Variants in SLC40A1 observed in about 807,000 individuals in gnomAD.
SLC40A1 encodes the protein ferroportin.
In SLC40A1, 16 loss-of-function variants were observed where a neutral mutation model predicts 53.5. That is an observed-to-expected ratio of 0.30 (90% CI 0.20 to 0.45). The LOEUF (loss-of-function observed/expected upper bound fraction) is 0.45, where lower values mean the gene tolerates loss of function less well. Ranked by LOEUF, SLC40A1 falls within the 20% of genes least tolerant of loss-of-function variation. The probability of loss-of-function intolerance (pLI) is 1.00; values close to 1 mark genes in which losing one functional copy is unlikely to be tolerated. For synonymous variants in SLC40A1, 247 were observed against 253.2 expected, an observed-to-expected ratio of 0.98 and a Z score of 0.23; for missense variants, 545 against 695.4, an observed-to-expected ratio of 0.78 and a Z score of 2.43.
rs2031251997 is a variant in SLC40A1 at position 189,575,197 on chromosome 2, T to C, written c.235A>G (p.Ile79Val). Reference protein sequence around the residue: ...AGSVLVLGAIIGDWVDKNARL... With the variant: ...AGSVLVLGAIVGDWVDKNARL... Reference sequence around the variant, plus strand: ...GCATTCTTGTCCACCCAGTCACCGATGATGGCTCCCAGGACCAGAACAGAC... The same window carrying C: ...GCATTCTTGTCCACCCAGTCACCGACGATGGCTCCCAGGACCAGAACAGAC... The change falls in exon 3 of 8, where the codon ATC (isoleucine) becomes GTC (valine). Residue 79 changes from isoleucine to valine, a missense_variant. Around this residue, in one of 4 missense-constraint regions of SLC40A1, gnomAD observed 197 missense variants for 278.8 expected, o/e 0.71. Coordinates refer to ENST00000261024, the MANE Select transcript of SLC40A1 (RefSeq NM_014585.6). 6.2e-7 allele frequency: 1 copy of C among 1,614,166 alleles called. No individual in the cohort carries two copies. The highest frequency in any genetic ancestry group is 8.5e-7 in the Non-Finnish European group (1 of 1,179,988).
chr2:189,580,541 C>G lies in SLC40A1; in HGVS notation c.-81G>C, dbSNP rs1463550926. ...GCTGAGGTGCTTGTTAACAGGAGTG[C>G]AAGGAACTGGAGATAGCACCTCTAA... is the stretch of plus-strand genomic sequence containing the variant. On this transcript the variant is annotated 5_prime_UTR_variant, in exon 1 of 8. Coordinates refer to ENST00000261024, the MANE Select transcript of SLC40A1 (RefSeq NM_014585.6). The G allele has an allele frequency of 6.2e-7, 1 of 1,607,572 alleles. No individual in the cohort carries two copies. Among genetic ancestry groups the G allele is most frequent in the Non-Finnish European group, 8.5e-7 (1 of 1,179,656 alleles).
chr2:189,564,607 G>A (rs111803199), intron 6 of SLC40A1, among the ~76,000 whole-genome samples: 5,522 of 152,150 alleles, frequency 0.036, 305 homozygotes, highest in African/African-American at 0.12. Flanking sequence ...TTGGGAGGCC[G>A]AGGCGGGCAG....
chr2:189,577,466 A>G (rs1161364470), intron 2 of SLC40A1, among the ~76,000 whole-genome samples: 1 of 152,214 alleles, frequency 6.6e-6, no homozygotes, highest in Non-Finnish European at 1.5e-5. Flanking sequence ...ATTGGGGTTT[A>G]AATGGAGAGA....
At chr2:189,575,446 T>C in intron 2 of SLC40A1, 126 bp from the exon 3 acceptor site, 2 of 848,938 alleles carry the variant, frequency 2.4e-6, no homozygotes, top group Non-Finnish European at 3.9e-6. Context: ...AAGTCAGTAA[T>C]TACTCTTAGA....
At chr2:189,567,450 A>G (rs539996455) in intron 5 of SLC40A1, among the ~76,000 whole-genome samples, 1 of 152,314 alleles carries the variant, frequency 6.6e-6, no homozygotes, top group African/African-American at 2.4e-5. Context: ...CAACATGACT[A>G]TGTACTCCAT....
At position 189,561,965 on chromosome 2, in the gene SLC40A1, T is replaced by C. The variant is rs200789812; in HGVS notation, c.1629A>G (p.Gln543=). 7.4e-6 allele frequency: 12 copies of C among 1,614,176 alleles called. No individual in the cohort carries two copies. In the African/African-American group the frequency reaches 8.0e-5, roughly 11 times the overall value. ...MGHIMYFRFA[Q]NTLGNKLFAC... The stretch of plus-strand genomic sequence containing the variant: ...CAAAGAGCTTGTTTCCCAGAGTATT[T>C]TGGGCAAATCGGAAATACATAATGT... Residue 543 remains glutamine, a synonymous_variant, in exon 8 of 8, where the codon CAA becomes CAG. Coordinates refer to ENST00000261024, the MANE Select transcript of SLC40A1 (RefSeq NM_014585.6).
chr2:189,571,769 T>C lies in SLC40A1; in HGVS notation c.460A>G (p.Ile154Val). The change falls in exon 5 of 8, where the codon ATC becomes GTC. Residue 154 changes from isoleucine to valine, a missense_variant. Ile to Val is a conservative substitution (Grantham distance 29). Transcript: ENST00000261024. The part of the protein sequence containing the change: ...NLASTATAIT[I>V]QRDWIVVVAG... ...ACAACAACAATCCAATCCCTTTGGA[T>C]TGTGATTGCAGTAGCAGTACTGGCC... is the stretch of plus-strand genomic sequence containing the variant. 1 of 1,613,246 alleles carries C rather than the reference T, an allele frequency of 6.2e-7. No individual in the cohort carries two copies. The highest frequency in any genetic ancestry group is 8.5e-7 in the Non-Finnish European group (1 of 1,179,310).
At chr2:189,565,740 T>A (rs1209938404) in intron 5 of SLC40A1, 141 bp from the exon 6 acceptor site, 10 of 1,254,502 alleles carry the variant, frequency 8.0e-6, no homozygotes, top group Non-Finnish European at 1.1e-5. Context: ...AAGAAAGACA[T>A]TTTGTTGGAA....
In SLC40A1 at chr2:189,566,041, CGTGTGT is replaced by C. The variant is rs371020904; in HGVS notation, c.515-448_515-443del. Among the ~76,000 whole-genome samples the C allele has an allele frequency of 5.3e-5, 8 of 150,104 alleles. No homozygotes were observed. In the East Asian group the frequency reaches 7.8e-4, roughly 15 times the overall value. The stretch of plus-strand genomic sequence containing the variant: ...ACAAGCATATGTGTGTGTGTGTGTG[CGTGTGT>C]GTGTGTGTGTATACACACACAAACA... On this transcript the variant is annotated intron_variant, in intron 5 of 7. Coordinates refer to ENST00000261024, the MANE Select transcript of SLC40A1 (RefSeq NM_014585.6).
intron 7 of SLC40A1, among the ~76,000 whole-genome samples, chr2:189,563,032 T>G (rs2030805196): frequency 6.6e-6 from 1 of 152,030 alleles, no homozygotes; most frequent in African/African-American, 2.4e-5. Context: ...TTTTATAAAT[T>G]AAATTACATT....
Position 189,579,860 on chromosome 2 carries a change from T to A in SLC40A1, c.64A>T (p.Thr22Ser). 1 of 1,614,106 alleles carries A rather than the reference T, an allele frequency of 6.2e-7. No homozygotes were observed. Among genetic ancestry groups the A allele is most frequent in the South Asian group, 1.1e-5 (1 of 91,072 alleles). ...AGGTAGAGAAGGAATTTTGCAGAGG[T>A]CAGGTAGTCGGCCAAGGATCCTGCA... is the stretch of plus-strand genomic sequence containing the variant. Reference protein sequence around the residue: ...GCCGSLADYLTSAKFLLYLGH... With the variant: ...GCCGSLADYLSSAKFLLYLGH... The change falls in exon 2 of 8, where the codon ACC becomes TCC. Residue 22 changes from threonine to serine, a missense_variant. Around this residue, in one of 4 missense-constraint regions of SLC40A1, gnomAD observed 197 missense variants for 278.8 expected, o/e 0.71. Transcript: ENST00000261024.
intron 5 of SLC40A1, among the ~76,000 whole-genome samples, chr2:189,568,900 G>A (rs527246757): frequency 6.6e-6 from 1 of 152,218 alleles, no homozygotes; most frequent in Admixed American, 6.5e-5. Context: ...CAAAAGAAAT[G>A]GAGGAGGAAA....
chr2:189,577,473 G>T (rs2031323129), intron 2 of SLC40A1, among the ~76,000 whole-genome samples: 1 of 152,162 alleles, frequency 6.6e-6, no homozygotes. Flanking sequence ...TTTAAATGGA[G>T]AGAGTTTGTA....
intron 4 of SLC40A1, chr2:189,572,482 C>A: frequency 3.3e-6 from 1 of 299,146 alleles, no homozygotes; most frequent in Non-Finnish European, 6.4e-6. Context: ...ACAGAAGTAA[C>A]AATTATTATT....
At chr2:189,580,786 C>CGCG, upstream of SLC40A1, 1 of 1,273,254 alleles carries the variant, frequency 7.9e-7, no homozygotes, top group East Asian at 4.2e-5. Context: ...CCGCCGCCGC[C>CGCG]GCCGTGGGCC....
At chr2:189,572,350 T>C (rs1474480021) in intron 4 of SLC40A1, among the ~76,000 whole-genome samples, 2 of 152,142 alleles carry the variant, frequency 1.3e-5, no homozygotes, top group African/African-American at 2.4e-5. Context: ...AATCCACATA[T>C]ACACAAGAAG....
At chr2:189,574,625 G>C (rs116738285) in intron 3 of SLC40A1, among the ~76,000 whole-genome samples, 2,229 of 152,246 alleles carry the variant, frequency 0.015, 51 homozygotes, top group African/African-American at 0.051. Context: ...CTAATGCTTA[G>C]AATAAATATC....
Position 189,563,587 on chromosome 2 carries a change from T to C in SLC40A1, c.1399A>G (p.Ile467Val), listed in dbSNP as rs1238991095. The change falls in exon 7 of 8, where the codon ATC becomes GTC. Residue 467 changes from isoleucine to valine, a missense_variant. By Grantham distance (29) the Ile-to-Val change is conservative. Transcript: ENST00000261024. The stretch of plus-strand genomic sequence containing the variant: ...TATATAAAAAGAGATTTCTTACCGA[T>C]TCTAGCAGCAATGACGCCTGCAAAC... ...LLFAGVIAAR[I>V]GLWSFDLTVT... is the part of the protein sequence containing the mutation. 1.2e-6 allele frequency: 2 copies of C among 1,613,496 alleles called. No individual in the cohort carries two copies. Among genetic ancestry groups the C allele is most frequent in the Non-Finnish European group, 1.7e-6 (2 of 1,179,844 alleles).
intron 2 of SLC40A1, among the ~76,000 whole-genome samples, chr2:189,575,807 C>CAT (rs1360274786): frequency 5.3e-5 from 8 of 152,104 alleles, no homozygotes; most frequent in African/African-American, 2.4e-5. Flanking sequence ...GGGAATGGAC[C>CAT]ATATGATCTC....
Sources: allele counts gnomAD v4.1 joint callset (sites outside exome capture counted in the v4.1 genomes callset), GRCh38; gene constraint gnomAD v4.1.1; regional missense constraint gnomAD v4.1.1; transcripts MANE v1.5; gene names NCBI Gene and HGNC (gene_info 2026-07-23, HGNC 2026-07-21).